COL23A1: variants seen among roughly 807,000 people sequenced by gnomAD.
COL23A1 encodes collagen type XXIII alpha 1 chain.
A neutral mutation model predicts 99.3 loss-of-function variants in COL23A1; 97 were observed. The observed-to-expected ratio is 0.98, with a 90% CI of 0.83 to 1.16. The LOEUF (loss-of-function observed/expected upper bound fraction) is 1.16, where lower values mean the gene tolerates loss of function less well. Among genes scored for constraint, COL23A1 ranks in the 50% most tolerant of loss-of-function variants. The pLI is 0.00. For missense variants in COL23A1, 762 were observed against 757.4 expected (o/e 1.01, Z -0.07); for synonymous variants, 320 against 308.2 (o/e 1.04, Z -0.40).
intron 1 of COL23A1, among the ~76,000 whole-genome samples, chr5:178,563,028 AG>A (rs1406939360): frequency 1.3e-5 from 2 of 152,236 alleles, no homozygotes; most frequent in African/African-American, 2.4e-5. Context: ...CACTGCACCC[AG>A]GAAGTCCAGC....
intron 12 of COL23A1, among the ~76,000 whole-genome samples, chr5:178,259,412 G>C (rs1478277187): frequency 6.6e-6 from 1 of 152,174 alleles, no homozygotes; most frequent in Non-Finnish European, 1.5e-5. Flanking sequence ...TGGGCCCCAG[G>C]ACCACACTTT....
chr5:178,254,280 C>CCGT (rs140409132), intron 16 of COL23A1, among the ~76,000 whole-genome samples: 56,015 of 151,972 alleles, frequency 0.37, 11,625 homozygotes, highest in Non-Finnish European at 0.47. Flanking sequence ...CCACGCCACA[C>CCGT]CACGCCACGC....
chr5:178,355,614 C>A lies in COL23A1; in HGVS notation c.362-48695G>T, dbSNP rs57957273. Among the ~76,000 whole-genome samples, 678 of 152,168 alleles carry A rather than the reference C, an allele frequency of 4.5e-3. 2 individuals are homozygous for A. Among genetic ancestry groups the A allele is most frequent in the African/African-American group, 0.015 (617 of 41,534 alleles). ...GTGGTGCGATCTCGGCTCACTGCAA[C>A]CGCCGCCTCCTGGGTTCAAACAATT... On this transcript the variant is annotated intron_variant, in intron 2 of 28. Coordinates refer to ENST00000390654, the MANE Select transcript of COL23A1 (RefSeq NM_173465.4).
At chr5:178,532,871 A>T (rs893254423) in intron 2 of COL23A1, among the ~76,000 whole-genome samples, 4 of 152,186 alleles carry the variant, frequency 2.6e-5, no homozygotes, top group African/African-American at 9.7e-5. Context: ...CCTACAAGCC[A>T]GGAAGAGAGG....
At chr5:178,502,200 C>T (rs1038830305) in intron 2 of COL23A1, among the ~76,000 whole-genome samples, 10 of 152,250 alleles carry the variant, frequency 6.6e-5, no homozygotes, top group Non-Finnish European at 1.0e-4. Flanking sequence ...GGCGTGATCT[C>T]GGCCCACTGC....
At chr5:178,355,022 T>C (rs1163493696) in intron 2 of COL23A1, among the ~76,000 whole-genome samples, 2 of 149,094 alleles carry the variant, frequency 1.3e-5, no homozygotes, top group Non-Finnish European at 3.0e-5. Context: ...CATAGCACCG[T>C]ACTCCAGCCT....
intron 2 of COL23A1, among the ~76,000 whole-genome samples, chr5:178,386,878 C>T (rs760332985): frequency 2.0e-5 from 3 of 152,188 alleles, no homozygotes; most frequent in Non-Finnish European, 4.4e-5. Context: ...TGGCTCTATG[C>T]TGTGCCACTG....
chr5:178,527,020 G>T (rs192941746), intron 2 of COL23A1, among the ~76,000 whole-genome samples: 1 of 152,244 alleles, frequency 6.6e-6, no homozygotes, highest in Admixed American at 6.5e-5. Flanking sequence ...CAGCCAGGAC[G>T]GGGAGGGGGA....
chr5:178,288,794 A>G (rs904006752), intron 4 of COL23A1, among the ~76,000 whole-genome samples: 12 of 145,560 alleles, frequency 8.2e-5, no homozygotes, highest in Non-Finnish European at 1.5e-4. Context: ...AGCCAGGAAT[A>G]TCGGGGGGCG....
At chr5:178,522,010 T>C (rs1759972785) in intron 2 of COL23A1, among the ~76,000 whole-genome samples, 1 of 152,172 alleles carries the variant, frequency 6.6e-6, no homozygotes, top group African/African-American at 2.4e-5. Context: ...AATCTTTATG[T>C]TATGTATTTT....
At chr5:178,346,700 A>G (rs1260558634) in intron 2 of COL23A1, among the ~76,000 whole-genome samples, 1 of 152,168 alleles carries the variant, frequency 6.6e-6, no homozygotes, top group Non-Finnish European at 1.5e-5. Context: ...GAAATCACAC[A>G]AGGGCCCTTT....
At chr5:178,288,183 C>T in intron 5 of COL23A1, 141 bp downstream of exon 5, 2 of 838,506 alleles carry the variant, frequency 2.4e-6, no homozygotes, top group Admixed American at 3.4e-5. Context: ...AGAGCTCACG[C>T]TAATCGCCTC....
At chr5:178,559,696 G>A (rs559188797) in intron 2 of COL23A1, among the ~76,000 whole-genome samples, 3 of 145,916 alleles carry the variant, frequency 2.1e-5, no homozygotes, top group Admixed American at 6.8e-5. Flanking sequence ...CCTGCACGTC[G>A]AGAAGTCTGA....
intron 2 of COL23A1, among the ~76,000 whole-genome samples, chr5:178,443,688 C>A (rs1179340266): frequency 6.6e-6 from 1 of 151,620 alleles, no homozygotes; most frequent in Non-Finnish European, 1.5e-5. Context: ...AAACTCCTGA[C>A]CTCAAGTGAT....
rs1762406925 is a variant in COL23A1 at position 178,365,242 on chromosome 5, C to A, written c.362-58323G>T. On this transcript the variant is annotated intron_variant, in intron 2 of 28. Coordinates refer to ENST00000390654, the MANE Select transcript of COL23A1 (RefSeq NM_173465.4). This position sits in a 1 kb window ranked among gnomAD's most constrained non-coding sequence, Gnocchi z 5.2. ...AGATATGGGGTCCAGCCCCAGCGCA[C>A]AGGAAACCCTGCTCAGGCAGATGGT... 6.6e-6 allele frequency among the ~76,000 whole-genome samples: 1 copy of A among 151,932 alleles called. No homozygotes were observed. Among genetic ancestry groups the A allele is most frequent in the African/African-American group, 2.4e-5 (1 of 41,358 alleles).
chr5:178,459,757 G>A (rs1218949014), intron 2 of COL23A1, among the ~76,000 whole-genome samples: 1 of 152,078 alleles, frequency 6.6e-6, no homozygotes, highest in Non-Finnish European at 1.5e-5. Flanking sequence ...GCAAGATGCT[G>A]TCTCAAAAAA....
intron 2 of COL23A1, among the ~76,000 whole-genome samples, chr5:178,338,869 A>G (rs961286606): frequency 6.6e-6 from 1 of 152,184 alleles, no homozygotes; most frequent in Non-Finnish European, 1.5e-5. Flanking sequence ...TCTAAATTAC[A>G]TGTAAACCCG....
chr5:178,385,362 C>G (rs1213961230), intron 2 of COL23A1, among the ~76,000 whole-genome samples: 1 of 152,192 alleles, frequency 6.6e-6, no homozygotes, highest in African/African-American at 2.4e-5. Flanking sequence ...ACACCACCCC[C>G]ACAGGCCCAC....
rs1170770962 is a variant in COL23A1, at chr5:178,387,451, T to C, written c.362-80532A>G. On this transcript the variant is annotated intron_variant, in intron 2 of 28. Coordinates refer to ENST00000390654, the MANE Select transcript of COL23A1 (RefSeq NM_173465.4). This position sits in a 1 kb window ranked among gnomAD's most constrained non-coding sequence, Gnocchi z 4.7. ...CCTCCCGAAACCCACCCACCGGACA[T>C]GTTCCTGCTGCCCTCCTGCAGCTCA... Among the ~76,000 whole-genome samples the C allele has an allele frequency of 2.0e-5, 3 of 152,210 alleles. No individual in the cohort carries two copies. Among genetic ancestry groups the C allele is most frequent in the African/African-American group, 7.2e-5 (3 of 41,530 alleles).
Sources: gnomAD v4.1 joint callset for allele counts (sites outside exome capture counted in the v4.1 genomes callset) on GRCh38, gnomAD v4.1.1 for gene constraint, Gnocchi (gnomAD v3.1) non-coding constraint, MANE v1.5 for transcripts, NCBI Gene and HGNC (gene_info 2026-07-23, HGNC 2026-07-21) for gene names.